Variants in CATSPERE observed in about 807,000 individuals in gnomAD.
CATSPERE encodes the protein catsper channel auxiliary subunit epsilon, also known as cation channel sperm-associated auxiliary subunit epsilon.
A neutral mutation model predicts 114.1 loss-of-function variants in CATSPERE; 93 were observed. That is an observed-to-expected ratio of 0.81 (90% confidence interval 0.69 to 0.97). The LOEUF (loss-of-function observed/expected upper bound fraction) is 0.97, where lower values mean the gene tolerates loss of function less well. CATSPERE is among the 50% of genes least tolerant of loss of function. The pLI, the probability that CATSPERE is intolerant of heterozygous loss-of-function variation, is 0.00. For missense variants in CATSPERE, 1,058 were observed against 1,131.6 expected (o/e 0.93, Z 0.93); for synonymous variants, 341 against 384.1 (o/e 0.89, Z 1.31).
intron 20 of CATSPERE, among the ~76,000 whole-genome samples, chr1:244,625,985 A>G (rs1183332803): frequency 6.6e-6 from 1 of 152,118 alleles, no homozygotes; most frequent in African/African-American, 2.4e-5. Flanking sequence ...GTAAACAGAT[A>G]TGCTGTCATC....
rs990714588 is a variant in CATSPERE, at chr1:244,568,663, A to G, written c.1508-3667A>G. Among the ~76,000 whole-genome samples the G allele has an allele frequency of 6.6e-6, 1 of 152,160 alleles. No individual in the cohort carries two copies. Among genetic ancestry groups the G allele is most frequent in the East Asian group, 1.9e-4 (1 of 5,174 alleles). Reference sequence around the variant, plus strand: ...ACTGTGAGGGGAAAACCGCCTACTCAAGCCTCAGTAATGGCAGACGCTCCT... The same window carrying G: ...ACTGTGAGGGGAAAACCGCCTACTCGAGCCTCAGTAATGGCAGACGCTCCT... On this transcript the variant is annotated intron_variant, in intron 10 of 21. Transcript: ENST00000366534. This position sits in a 1 kb window ranked among gnomAD's most constrained non-coding sequence, Gnocchi z 4.4.
chr1:244,606,812 G>T (rs1180901911), intron 18 of CATSPERE, among the ~76,000 whole-genome samples: 5 of 151,952 alleles, frequency 3.3e-5, no homozygotes, highest in African/African-American at 1.2e-4. Flanking sequence ...ATGTTGCCCA[G>T]GCTGGTTTCG....
intron 6 of CATSPERE, among the ~76,000 whole-genome samples, chr1:244,498,241 G>A (rs996464793): frequency 2.6e-5 from 4 of 152,132 alleles, no homozygotes; most frequent in African/African-American, 9.7e-5. Context: ...ATGAACAGAA[G>A]ATTCAGAAAA....
chr1:244,452,062 C>T, upstream of CATSPERE: 1 of 357,044 alleles, frequency 2.8e-6, no homozygotes, highest in East Asian at 4.2e-5. Context: ...CAGGAAGAGG[C>T]CCTGGTGGCG....
At chr1:244,578,039 T>A (rs1007380587) in intron 11 of CATSPERE, among the ~76,000 whole-genome samples, 1 of 152,252 alleles carries the variant, frequency 6.6e-6, no homozygotes, top group African/African-American at 2.4e-5. Flanking sequence ...ACTCTTGGTT[T>A]TCTTTCCAAG....
At chr1:244,495,653 A>AGAGATTGCAGTGAGCC (rs1672965331) in intron 6 of CATSPERE, among the ~76,000 whole-genome samples, 1 of 152,154 alleles carries the variant, frequency 6.6e-6, no homozygotes, top group East Asian at 1.9e-4. Context: ...CCAGGGAGTC[A>AGAGATTGCAGTGAGCC]GAGATTGCAG....
At chr1:244,522,662 G>A (rs991636866) in intron 8 of CATSPERE, among the ~76,000 whole-genome samples, 1 of 152,076 alleles carries the variant, frequency 6.6e-6, no homozygotes, top group African/African-American at 2.4e-5. Flanking sequence ...TATCACCACC[G>A]ATCCTACAGA....
intron 10 of CATSPERE, among the ~76,000 whole-genome samples, chr1:244,562,481 T>C (rs1262264910): frequency 6.6e-6 from 1 of 152,210 alleles, no homozygotes; most frequent in Non-Finnish European, 1.5e-5. Flanking sequence ...AGATTACGAA[T>C]ATTTAAAAAG....
chr1:244,454,197 C>T (rs914439234), upstream of CATSPERE, among the ~76,000 whole-genome samples: 16 of 152,142 alleles, frequency 1.1e-4, no homozygotes, highest in African/African-American at 2.9e-4. Context: ...AGGCCTGTCT[C>T]GGGGTGACTA....
At chr1:244,564,343 G>A (rs1663075629) in intron 10 of CATSPERE, among the ~76,000 whole-genome samples, 1 of 152,168 alleles carries the variant, frequency 6.6e-6, no homozygotes, top group Non-Finnish European at 1.5e-5. Flanking sequence ...ACTTTGGGCA[G>A]TATGGCCATT....
rs1670198056 is a variant in CATSPERE, at chr1:244,607,845, G to A, written c.2403+2051G>A. Among the ~76,000 whole-genome samples, 3 of 152,206 alleles carry A rather than the reference G, an allele frequency of 2.0e-5. No individual in the cohort carries two copies. In the South Asian group the frequency reaches 6.2e-4, roughly 31 times the overall value. ...ATTAAACTTGTTGGCTAGGCACGGT[G>A]GCTCATGCCTATAATCCCAGCACTT... On this transcript the variant is annotated intron_variant, in intron 18 of 21. Transcript: ENST00000366534. This position sits in a 1 kb window ranked among gnomAD's most constrained non-coding sequence, Gnocchi z 4.4.
At chr1:244,476,956 G>C (rs1404027676) in intron 2 of CATSPERE, among the ~76,000 whole-genome samples, 3 of 152,120 alleles carry the variant, frequency 2.0e-5, no homozygotes, top group Admixed American at 6.6e-5. Flanking sequence ...GAACCTACCA[G>C]AGTGTCAGTC....
At chr1:244,467,243 A>G (rs979891199) in intron 2 of CATSPERE, among the ~76,000 whole-genome samples, 2 of 152,168 alleles carry the variant, frequency 1.3e-5, no homozygotes, top group East Asian at 3.8e-4. Flanking sequence ...TTTGTGTGGG[A>G]ATTCTACCAA....
At chr1:244,625,470 C>T (rs1355036609) in intron 20 of CATSPERE, among the ~76,000 whole-genome samples, 7 of 79,022 alleles carry the variant, frequency 8.9e-5, no homozygotes, top group Non-Finnish European at 1.6e-4. Context: ...CACTCTGTCT[C>T]CAGGCTGGAG....
chr1:244,464,015 C>T, intron 2 of CATSPERE, 59 bp downstream of exon 2: 2 of 1,185,806 alleles, frequency 1.7e-6, no homozygotes, highest in South Asian at 1.3e-5. Flanking sequence ...AACTTTAGAG[C>T]AGAGAGCAGA....
In CATSPERE at chr1:244,635,520, G is replaced by C; in HGVS notation, c.2680G>C (p.Glu894Gln). ...FCNLTAMFAI[E>Q]TFGLIPSPSV... ...TAACCTAACAGCTATGTTTGCAATA[G>C]AGACATTTGGACTGATTCCCAGGTA... Residue 894 changes from glutamate (E) to glutamine (Q), a missense_variant, in exon 21 of 22, where the codon GAG (glutamate) becomes CAG (glutamine). By Grantham distance (29) the Glu-to-Gln change is conservative (BLOSUM62 2). Transcript: ENST00000366534. 1.9e-6 allele frequency: 3 copies of C among 1,612,936 alleles called. No individual in the cohort carries two copies. The highest frequency in any genetic ancestry group is 2.5e-6 in the Non-Finnish European group (3 of 1,179,174).
intron 7 of CATSPERE, among the ~76,000 whole-genome samples, chr1:244,506,597 T>C (rs1437371902): frequency 6.6e-6 from 1 of 152,174 alleles, no homozygotes; most frequent in Non-Finnish European, 1.5e-5. Flanking sequence ...TATTTTGTTT[T>C]TATTGAGTAA....
intron 2 of CATSPERE, among the ~76,000 whole-genome samples, chr1:244,469,600 C>T (rs1668142667): frequency 6.6e-6 from 1 of 152,168 alleles, no homozygotes; most frequent in Non-Finnish European, 1.5e-5. Flanking sequence ...TTTCTATTTG[C>T]AGACGACATG....
At chr1:244,623,785 C>T (rs951740396) in intron 20 of CATSPERE, among the ~76,000 whole-genome samples, 1 of 152,202 alleles carries the variant, frequency 6.6e-6, no homozygotes, top group Non-Finnish European at 1.5e-5. Context: ...CAGCATTGCA[C>T]ATTGTCTAAA....
Sources: allele counts gnomAD v4.1 joint callset (sites outside exome capture counted in the v4.1 genomes callset), GRCh38; gene constraint gnomAD v4.1.1; non-coding constraint Gnocchi (gnomAD v3.1); transcripts MANE v1.5; gene names NCBI Gene and HGNC (gene_info 2026-07-23, HGNC 2026-07-21).